Variants in GABRR2 observed in about 807,000 individuals in gnomAD.
GABRR2 encodes gamma-aminobutyric acid receptor subunit rho-2.
In GABRR2, 36 loss-of-function variants were observed where a neutral mutation model predicts 47.0. That is an observed-to-expected ratio of 0.77 (90% CI 0.59 to 1.01). GABRR2 has a LOEUF of 1.01. Ranked by LOEUF, GABRR2 falls within the 50% of genes least tolerant of loss-of-function variation. The pLI is 0.00. For missense variants in GABRR2, 587 were observed against 594.6 expected, an observed-to-expected ratio of 0.99 and a Z score of 0.13; for synonymous variants, 204 against 227.5, an observed-to-expected ratio of 0.90 and a Z score of 0.93.
chr6:89,268,681 A>AT (rs1185155835), intron 4 of GABRR2, among the ~76,000 whole-genome samples: 8 of 150,364 alleles, frequency 5.3e-5, no homozygotes, highest in South Asian at 4.2e-4. Flanking sequence ...TTTTTAATCT[A>AT]TTTTTTTAAA....
chr6:89,291,785 T>G (rs368047726), intron 2 of GABRR2, among the ~76,000 whole-genome samples: 11 of 152,216 alleles, frequency 7.2e-5, no homozygotes, highest in African/African-American at 2.4e-4. Flanking sequence ...ACCATCAGCT[T>G]CTTGAGAACA....
intron 2 of GABRR2, among the ~76,000 whole-genome samples, chr6:89,294,380 A>G (rs1774521000): frequency 6.6e-6 from 1 of 152,100 alleles, no homozygotes; most frequent in Non-Finnish European, 1.5e-5. Context: ...TCCTAGCCTC[A>G]AGTAATCCAC....
intron 2 of GABRR2, among the ~76,000 whole-genome samples, chr6:89,292,149 A>G (rs116502458): frequency 0.027 from 4,149 of 151,970 alleles, 178 homozygotes; most frequent in African/African-American, 0.091. Flanking sequence ...AACCTGACCT[A>G]CTTTGTTGTC....
At chr6:89,312,405 T>C (rs946694199) in intron 1 of GABRR2, among the ~76,000 whole-genome samples, 12 of 152,148 alleles carry the variant, frequency 7.9e-5, no homozygotes, top group Non-Finnish European at 1.5e-5. Context: ...ATGCCTTGGC[T>C]GGGGTGAGGC....
At chr6:89,308,090 C>T (rs901607217) in intron 1 of GABRR2, among the ~76,000 whole-genome samples, 1 of 152,186 alleles carries the variant, frequency 6.6e-6, no homozygotes, top group Admixed American at 6.5e-5. Flanking sequence ...GCTGGGGTTA[C>T]AGGCATGAGC....
At chr6:89,261,435 C>G (rs973205471) in intron 8 of GABRR2, among the ~76,000 whole-genome samples, 1 of 152,146 alleles carries the variant, frequency 6.6e-6, no homozygotes, top group Non-Finnish European at 1.5e-5. Flanking sequence ...CAAGGGGACC[C>G]CAGAGAAACC....
At chr6:89,297,455 T>A (rs967535166) in intron 2 of GABRR2, among the ~76,000 whole-genome samples, 1 of 152,192 alleles carries the variant, frequency 6.6e-6, no homozygotes, top group African/African-American at 2.4e-5. Context: ...CTGGGGACAA[T>A]AATAGTATCT....
At chr6:89,299,204 G>A (rs13197385) in intron 2 of GABRR2, among the ~76,000 whole-genome samples, 24,213 of 152,092 alleles carry the variant, frequency 0.16, 2,022 homozygotes, top group South Asian at 0.23. Context: ...AGGTGTGCAA[G>A]AAATCTTTGT....
Position 89,315,047 on chromosome 6 carries a change from CTT to C in GABRR2, c.113+4_113+5del. On this transcript the variant is annotated splice_donor_5th_base_variant and intron_variant, in intron 1 of 8. Coordinates refer to ENST00000402938, the MANE Select transcript of GABRR2 (RefSeq NM_002043.5). ...AACCTCCCTCCTTTCCCACCTATGA[CTT>C]TACCTTGGCTTGGGCATTTCCACCT... is the stretch of plus-strand genomic sequence containing the variant. 1 of 1,612,042 alleles carries C rather than the reference CTT, an allele frequency of 6.2e-7. No homozygotes were observed. The highest frequency in any genetic ancestry group is 8.5e-7 in the Non-Finnish European group (1 of 1,178,660).
At chr6:89,302,449 AGCCACCTGACATTG>A (rs1767472127) in intron 1 of GABRR2, 1 of 593,924 alleles carries the variant, frequency 1.7e-6, no homozygotes, top group African/African-American at 1.9e-5. Flanking sequence ...CGGGGACCTC[AGCCACCTGACATTG>A]GCCACCATGA....
At chr6:89,282,885 T>C (rs1313084623) in intron 2 of GABRR2, among the ~76,000 whole-genome samples, 3 of 152,214 alleles carry the variant, frequency 2.0e-5, no homozygotes, top group Admixed American at 6.5e-5. Context: ...CCCACGATAC[T>C]GTGCAGCTCC....
chr6:89,258,367 G>T (rs1773657096), intron 8 of GABRR2, among the ~76,000 whole-genome samples: 1 of 152,028 alleles, frequency 6.6e-6, no homozygotes. Context: ...AATCCACATA[G>T]TCTGATTCCA....
chr6:89,280,211 AATATATATATATATATATAT>A lies in GABRR2; in HGVS notation c.221-8509_221-8490del, dbSNP rs35295435. Among the ~76,000 whole-genome samples the A allele has an allele frequency of 1.8e-3, 203 of 110,428 alleles. 4 individuals are homozygous for A. The highest frequency in any genetic ancestry group is 6.1e-3 in the African/African-American group (166 of 27,164). The allele number at this position is 110,428 out of a possible 152,430, so 72.4% of individuals were successfully genotyped here. A position where few individuals can be genotyped will look rare whatever the true frequency, so the allele number is the denominator to read the frequency against. ...ATGACAGAGACTTAGTCTAAAAACA[AATATATATATATATATATAT>A]ATATATATATATATATATATATACA... On this transcript the variant is annotated intron_variant, in intron 2 of 8. Transcript: ENST00000402938.
chr6:89,286,584 AC>A (rs1774337816), intron 2 of GABRR2, among the ~76,000 whole-genome samples: 1 of 152,008 alleles, frequency 6.6e-6, no homozygotes, highest in Admixed American at 6.5e-5. Context: ...AAAAAAAAAA[AC>A]TATGACAGAC....
At chr6:89,269,292 ATCAACCCACCAT>A in intron 3 of GABRR2, 58 bp from the exon 4 acceptor site, 1 of 1,300,356 alleles carries the variant, frequency 7.7e-7, no homozygotes, top group South Asian at 1.2e-5. Context: ...CTTCCTTACA[ATCAACCCACCAT>A]TCACTACTGT....
chr6:89,272,644 G>T (rs1353249326), intron 2 of GABRR2, among the ~76,000 whole-genome samples: 1 of 152,234 alleles, frequency 6.6e-6, no homozygotes, highest in Non-Finnish European at 1.5e-5. Context: ...GGCCTCAGCG[G>T]GAGAGGGCAT....
intron 8 of GABRR2, among the ~76,000 whole-genome samples, chr6:89,259,883 C>CTTTTTTTTTTTTTTTTTTT (rs59831214): frequency 8.9e-5 from 6 of 67,632 alleles, no homozygotes; most frequent in South Asian, 4.5e-4. Context: ...CTCTCTCTCT[C>CTTTTTTTTTTTTTTTTTTT]TTTTTTTTTT....
chr6:89,261,633 G>A (rs1275646367), intron 8 of GABRR2, among the ~76,000 whole-genome samples: 1 of 152,218 alleles, frequency 6.6e-6, no homozygotes, highest in African/African-American at 2.4e-5. Context: ...TCTAGGGCCA[G>A]GGTGAAGTCA....
At chr6:89,293,790 TAAATAAAAG>T (rs918037108) in intron 2 of GABRR2, among the ~76,000 whole-genome samples, 5 of 151,588 alleles carry the variant, frequency 3.3e-5, no homozygotes, top group African/African-American at 9.8e-5. Context: ...ATGTCTCAGA[TAAATAAAAG>T]AAATAAAAGA....
Sources: allele counts gnomAD v4.1 joint callset (sites outside exome capture counted in the v4.1 genomes callset), GRCh38; gene constraint gnomAD v4.1.1; transcripts MANE v1.5; gene names NCBI Gene and HGNC (gene_info 2026-07-23, HGNC 2026-07-21).